Variants in PLXDC2 observed in about 807,000 individuals in gnomAD.
PLXDC2 encodes the protein plexin domain-containing protein 2.
PLXDC2 carries 40 observed loss-of-function variants against 68.9 expected under a neutral mutation model. That is an observed-to-expected ratio of 0.58 (90% CI 0.45 to 0.76). PLXDC2 has a LOEUF of 0.76. Among genes scored for constraint, PLXDC2 ranks in the 30% least tolerant of loss-of-function variants. PLXDC2 has a pLI of 0.00. For synonymous variants in PLXDC2, 243 were observed against 234.2 expected (o/e 1.04, Z -0.34); for missense variants, 644 against 661.9 (o/e 0.97, Z 0.30).
intron 1 of PLXDC2, among the ~76,000 whole-genome samples, chr10:19,861,618 T>C (rs1837321135): frequency 6.6e-6 from 1 of 152,176 alleles, no homozygotes; most frequent in South Asian, 2.1e-4. Flanking sequence ...CTCATATATA[T>C]TCCTATTCTT....
At chr10:20,166,997 G>A (rs1050357797) in intron 7 of PLXDC2, among the ~76,000 whole-genome samples, 4 of 152,202 alleles carry the variant, frequency 2.6e-5, no homozygotes, top group South Asian at 2.1e-4. Context: ...TAATTCAAAC[G>A]TAGAATTCAG....
At chr10:19,976,665 A>G (rs768750996) in intron 1 of PLXDC2, among the ~76,000 whole-genome samples, 10 of 152,186 alleles carry the variant, frequency 6.6e-5, no homozygotes, top group Non-Finnish European at 1.5e-4. Context: ...AATGTGTTCT[A>G]TCAGTCTGGA....
intron 1 of PLXDC2, among the ~76,000 whole-genome samples, chr10:19,929,573 C>T (rs1833593318): frequency 6.6e-6 from 1 of 152,164 alleles, no homozygotes; most frequent in Non-Finnish European, 1.5e-5. Context: ...CTCTTTCCTT[C>T]TGACTTGGAA....
chr10:20,049,463 A>G (rs112885928), intron 3 of PLXDC2, among the ~76,000 whole-genome samples: 13 of 152,240 alleles, frequency 8.5e-5, no homozygotes, highest in South Asian at 2.1e-4. Flanking sequence ...AGAGAACCCC[A>G]TAGTCTAGGC....
At position 19,976,170 on chromosome 10, in the gene PLXDC2, ATTG is replaced by A. The variant is rs79768996; in HGVS notation, c.113-25601_113-25599del. ...TTTTGTCTTCTAGTTTTCCTGTGTTATTGTTGAGAAATCCTAAGTAATTTTTTT... is the reference window on the plus strand; with the variant it reads ...TTTTGTCTTCTAGTTTTCCTGTGTTATTGAGAAATCCTAAGTAATTTTTTT... On this transcript the variant is annotated intron_variant, in intron 1 of 13. Transcript: ENST00000377252. 1.3e-3 allele frequency among the ~76,000 whole-genome samples: 191 copies of A among 151,978 alleles called. No individual in the cohort carries two copies. In the East Asian group the frequency reaches 0.035, roughly 28 times the overall value.
intron 3 of PLXDC2, among the ~76,000 whole-genome samples, chr10:20,055,163 T>A (rs549230900): frequency 4.9e-4 from 74 of 152,214 alleles, no homozygotes; most frequent in African/African-American, 1.7e-3. Context: ...TTTTATGTGT[T>A]GATTGTTTAA....
At chr10:20,229,884 T>C (rs889716780) in intron 12 of PLXDC2, among the ~76,000 whole-genome samples, 2 of 152,150 alleles carry the variant, frequency 1.3e-5, no homozygotes, top group African/African-American at 4.8e-5. Flanking sequence ...GTGTCAGCCA[T>C]AAGTGATTTT....
At chr10:20,162,569 A>G (rs1054421113) in intron 6 of PLXDC2, among the ~76,000 whole-genome samples, 2 of 152,092 alleles carry the variant, frequency 1.3e-5, no homozygotes, top group African/African-American at 4.8e-5. Context: ...TCTTATTAGG[A>G]TACAAAAATA....
chr10:19,999,587 A>G (rs1352307090), intron 1 of PLXDC2, among the ~76,000 whole-genome samples: 1 of 152,142 alleles, frequency 6.6e-6, no homozygotes, highest in African/African-American at 2.4e-5. Context: ...AGTGGTTCCT[A>G]CATGACTCTT....
chr10:20,224,937 C>G (rs971676576), intron 12 of PLXDC2, among the ~76,000 whole-genome samples: 13 of 152,086 alleles, frequency 8.5e-5, no homozygotes, highest in Non-Finnish European at 1.2e-4. Flanking sequence ...GTTTATGAAC[C>G]TGAACTCTGA....
At chr10:20,265,394 A>G (rs1835859361) in intron 13 of PLXDC2, among the ~76,000 whole-genome samples, 1 of 152,200 alleles carries the variant, frequency 6.6e-6, no homozygotes, top group African/African-American at 2.4e-5. Flanking sequence ...TACTGCTGTA[A>G]CACACATCTC....
chr10:19,921,950 C>T (rs186514014), intron 1 of PLXDC2, among the ~76,000 whole-genome samples: 2 of 152,210 alleles, frequency 1.3e-5, no homozygotes, highest in East Asian at 1.9e-4. Flanking sequence ...CTCCGTCTCC[C>T]GAGTTCAAGT....
intron 1 of PLXDC2, among the ~76,000 whole-genome samples, chr10:19,963,267 T>C (rs561194272): frequency 1.3e-5 from 2 of 152,332 alleles, no homozygotes; most frequent in East Asian, 3.9e-4. Flanking sequence ...TATTTTCATC[T>C]GACATCTGAT....
chr10:20,139,155 A>G lies in PLXDC2; in HGVS notation c.542-4140A>G, dbSNP rs145079165. On this transcript the variant is annotated intron_variant, in intron 4 of 13. Transcript: ENST00000377252. ...TTATTCACACGACTAGAGACCACCT[A>G]TGGAAAGCAGCCCAAGGAAAGTTTT... Among the ~76,000 whole-genome samples, 9 of 152,366 alleles carry G rather than the reference A, an allele frequency of 5.9e-5. No homozygotes were observed. The East Asian group carries it at 1.3e-3, about 23-fold the overall frequency.
At position 20,286,721 on chromosome 10, in the gene PLXDC2, A is replaced by C. The variant is rs1836157444; in HGVS notation, c.*6902A>C. On this transcript the variant is annotated 3_prime_UTR_variant, in exon 14 of 14. Coordinates refer to ENST00000377252, the MANE Select transcript of PLXDC2 (RefSeq NM_032812.9). The stretch of plus-strand genomic sequence containing the variant: ...AAATGTGCTATTAGGCAGAGTTATT[A>C]ACTTCTTTTAGTTGTTGTTTGAGAT... 1 of 152,270 alleles carries C rather than the reference A, an allele frequency of 6.6e-6. No homozygotes were observed. Among genetic ancestry groups the C allele is most frequent in the Non-Finnish European group, 1.5e-5 (1 of 68,018 alleles). 9.4% of individuals were successfully genotyped at this position (152,270 alleles called of 1,614,324 possible). A position where few individuals can be genotyped will look rare whatever the true frequency, so the allele number is the denominator to read the frequency against.
chr10:20,025,606 C>T (rs117598894), intron 2 of PLXDC2, among the ~76,000 whole-genome samples: 2,661 of 152,120 alleles, frequency 0.017, 31 homozygotes, highest in Non-Finnish European at 0.028. Context: ...AAGATGGTAT[C>T]GCATTGTAGT....
intron 1 of PLXDC2, among the ~76,000 whole-genome samples, chr10:19,897,819 G>A (rs1838086524): frequency 6.6e-6 from 1 of 151,848 alleles, no homozygotes; most frequent in Non-Finnish European, 1.5e-5. Flanking sequence ...GAGAATATGT[G>A]GGATTATATA....
chr10:20,122,376 C>T (rs1015037968), intron 4 of PLXDC2, among the ~76,000 whole-genome samples: 4 of 152,158 alleles, frequency 2.6e-5, no homozygotes, highest in Non-Finnish European at 5.9e-5. Context: ...TGAAGCTCAG[C>T]GTCCGTGATG....
chr10:20,033,227 TC>T (rs1046724091), intron 2 of PLXDC2, among the ~76,000 whole-genome samples: 2 of 151,236 alleles, frequency 1.3e-5, no homozygotes, highest in Non-Finnish European at 2.9e-5. Flanking sequence ...AATAAAAGGA[TC>T]CAAAAGAAGA....
Sources: allele counts gnomAD v4.1 joint callset (sites outside exome capture counted in the v4.1 genomes callset), GRCh38; gene constraint gnomAD v4.1.1; transcripts MANE v1.5; gene names NCBI Gene and HGNC (gene_info 2026-07-23, HGNC 2026-07-21).